The following SENP2 variants were observed in gnomAD, a reference collection of about 807,000 sequenced individuals.
SENP2 encodes the protein SUMO specific peptidase 2.
In SENP2, 16 loss-of-function variants were observed where a neutral mutation model predicts 86.3. The observed-to-expected ratio is 0.19, with a 90% CI of 0.13 to 0.28. SENP2 has a LOEUF of 0.28. Ranked by LOEUF, SENP2 falls within the 10% of genes least tolerant of loss-of-function variation. SENP2 has a pLI of 1.00. For missense variants in SENP2, 552 were observed against 703.0 expected (o/e 0.79, Z 2.43); for synonymous variants, 222 against 238.7 (o/e 0.93, Z 0.64).
chr3:185,613,035 A>G (rs1406484666), intron 9 of SENP2, among the ~76,000 whole-genome samples: 1 of 152,250 alleles, frequency 6.6e-6, no homozygotes, highest in Admixed American at 6.5e-5. Context: ...CCATGGGCCA[A>G]ATCTGGTCTA....
At chr3:185,616,055 G>A (rs1456189177) in intron 11 of SENP2, among the ~76,000 whole-genome samples, 1 of 151,320 alleles carries the variant, frequency 6.6e-6, no homozygotes, top group Non-Finnish European at 1.5e-5. Flanking sequence ...TAGAGATGGG[G>A]TTTCACCATG....
At position 185,621,830 on chromosome 3, in the gene SENP2, T is replaced by C; in HGVS notation, c.1451T>C (p.Ile484Thr). 2 of 1,594,266 alleles carry C rather than the reference T, an allele frequency of 1.3e-6. No individual in the cohort carries two copies. Among genetic ancestry groups the C allele is most frequent in the Non-Finnish European group, 1.7e-6 (2 of 1,162,870 alleles). Residue 484 changes from isoleucine to threonine, a missense_variant, in exon 14 of 17, where the codon ATT becomes ACT. Ile to Thr is a moderately conservative substitution (Grantham distance 89, BLOSUM62 -1). Transcript: ENST00000296257. ...TGTTATCTTTTTCCATTATAGGTGA[T>C]TGACCTAAGAAAAAAGTGTCTTAAA... Reference protein sequence around the residue: ...HRKVHWSLVVIDLRKKCLKYL... With the variant: ...HRKVHWSLVVTDLRKKCLKYL...
At chr3:185,603,023 C>T (rs1722398863) in intron 5 of SENP2, among the ~76,000 whole-genome samples, 1 of 150,046 alleles carries the variant, frequency 6.7e-6, no homozygotes, top group East Asian at 2.0e-4. Context: ...AGCGATTCTC[C>T]TGCCTTAGCC....
chr3:185,599,533 G>C (rs1241744938), intron 4 of SENP2, among the ~76,000 whole-genome samples: 1 of 152,170 alleles, frequency 6.6e-6, no homozygotes, highest in Non-Finnish European at 1.5e-5. Flanking sequence ...GGGAAAAGTA[G>C]GAAGAAGCCA....
At chr3:185,598,792 A>T (rs1348522744) in intron 3 of SENP2, among the ~76,000 whole-genome samples, 166 bp from the exon 4 acceptor site, 1 of 152,182 alleles carries the variant, frequency 6.6e-6, no homozygotes, top group Non-Finnish European at 1.5e-5. Context: ...AGAAACTAGA[A>T]TTGTTATTTC....
rs1721854364 is a variant in SENP2 at position 185,588,048 on chromosome 3, TAA to T, written c.101+1535_101+1536del. Among the ~76,000 whole-genome samples the T allele has an allele frequency of 1.7e-4, 19 of 110,280 alleles. No individual in the cohort carries two copies. In the South Asian group the frequency reaches 6.2e-3, roughly 36 times the overall value. The allele number at this position is 110,280 out of a possible 152,430, so 72.3% of individuals were successfully genotyped here. On this transcript the variant is annotated intron_variant, in intron 1 of 16. Transcript: ENST00000296257. The stretch of plus-strand genomic sequence containing the variant: ...GCCACAGCGCCCGGCCACTACCGGC[TAA>T]TTTTTTTTTTTTTTTTTTTTTTTTT...
Position 185,619,332 on chromosome 3 carries a change from A to T in SENP2, c.1276A>T (p.Arg426Ter). ...TTTTTACATGAATCTTCTGGTGGAAAGAAATAAAAAGCAAGGCTATCCAGC... is the reference window on the plus strand; with the variant it reads ...TTTTTACATGAATCTTCTGGTGGAATGAAATAAAAAGCAAGGCTATCCAGC... Reference protein sequence around the residue: ...INFYMNLLVERNKKQGYPALH... With the variant: ...INFYMNLLVE Residue 426 changes from arginine to a stop codon, truncating the protein, a stop_gained, in exon 13 of 17, where the codon AGA (arginine) becomes TGA (stop). Transcript: ENST00000296257. LOFTEE classifies it high-confidence loss of function. 1 of 1,614,028 alleles carries T rather than the reference A, an allele frequency of 6.2e-7. No homozygotes were observed. Among genetic ancestry groups the T allele is most frequent in the South Asian group, 1.1e-5 (1 of 91,088 alleles).
At chr3:185,629,084 A>G (rs1712290012) in intron 16 of SENP2, among the ~76,000 whole-genome samples, 2 of 152,156 alleles carry the variant, frequency 1.3e-5, no homozygotes, top group African/African-American at 4.8e-5. Context: ...AAACTTGTAG[A>G]TTTTGTTGTT....
chr3:185,599,497 T>C (rs933798622), intron 4 of SENP2, among the ~76,000 whole-genome samples: 6 of 152,090 alleles, frequency 3.9e-5, no homozygotes, highest in African/African-American at 1.2e-4. Flanking sequence ...TTATTATATA[T>C]ATGCACTATA....
chr3:185,623,908 T>C lies in SENP2; in HGVS notation c.1527-90T>C, dbSNP rs1398919499. ...TGAATATGGATTTGAGAATGGCATA[T>C]CTGTTTAACATCAGAAAGCCCTATG... On this transcript the variant is annotated intron_variant, in intron 14 of 16. Transcript: ENST00000296257. 8.8e-6 allele frequency: 5 copies of C among 566,086 alleles called. No homozygotes were observed. In the East Asian group the frequency reaches 9.4e-5, roughly 11 times the overall value. 35.1% of individuals were successfully genotyped at this position (566,086 alleles called of 1,614,324 possible).
intron 14 of SENP2, 91 bp downstream of exon 14, chr3:185,621,996 T>C: frequency 2.6e-6 from 2 of 764,568 alleles, no homozygotes; most frequent in East Asian, 2.6e-5. Context: ...TAGTCTAATG[T>C]GTAGTTAAGG....
At chr3:185,629,748 G>C in intron 16 of SENP2, 34 bp from the exon 17 acceptor site, 1 of 1,608,368 alleles carries the variant, frequency 6.2e-7, no homozygotes, top group Non-Finnish European at 8.5e-7. Context: ...ACATTAATAT[G>C]TAATGCGGGC....
chr3:185,621,217 G>A (rs1263971827), intron 13 of SENP2, among the ~76,000 whole-genome samples: 2 of 81,234 alleles, frequency 2.5e-5, no homozygotes, highest in African/African-American at 5.0e-5. Context: ...GAAAGATACA[G>A]ATATAAAGAA....
chr3:185,615,207 C>T (rs148086001), intron 11 of SENP2, among the ~76,000 whole-genome samples: 1 of 152,230 alleles, frequency 6.6e-6, no homozygotes, highest in African/African-American at 2.4e-5. Flanking sequence ...GTGCCCACAT[C>T]TTGGCTTCCT....
intron 13 of SENP2, 30 bp downstream of exon 13, chr3:185,619,532 T>C: frequency 1.9e-6 from 3 of 1,594,264 alleles, no homozygotes; most frequent in Non-Finnish European, 2.6e-6. Context: ...GGTTAATTGT[T>C]GGACTTGGAT....
chr3:185,604,481 ACTT>A (rs1394040954), intron 5 of SENP2, among the ~76,000 whole-genome samples: 8 of 152,242 alleles, frequency 5.3e-5, no homozygotes, highest in Admixed American at 3.9e-4. Flanking sequence ...TTTTCTGTCA[ACTT>A]CTTTATTGAT....
chr3:185,593,226 G>GA (rs888658084), intron 2 of SENP2, among the ~76,000 whole-genome samples: 6 of 151,772 alleles, frequency 4.0e-5, no homozygotes, highest in Non-Finnish European at 7.4e-5. Context: ...AGAGCTCAGG[G>GA]AAAAAAAATG....
intron 6 of SENP2, 134 bp from the exon 7 acceptor site, chr3:185,609,113 A>G (rs1722605156): frequency 3.4e-6 from 2 of 596,554 alleles, no homozygotes; most frequent in South Asian, 2.5e-5. Flanking sequence ...AAAAATGTAT[A>G]AAGTTAGTAA....
intron 2 of SENP2, 82 bp from the exon 3 acceptor site, chr3:185,598,326 TTGAG>T: frequency 7.1e-7 from 1 of 1,407,460 alleles, no homozygotes; most frequent in Non-Finnish European, 9.9e-7. Flanking sequence ...TTGATAAAAA[TTGAG>T]AGAGGCTCTT....
Sources: allele counts gnomAD v4.1 joint callset (sites outside exome capture counted in the v4.1 genomes callset), GRCh38; gene constraint gnomAD v4.1.1; transcripts MANE v1.5; gene names NCBI Gene and HGNC (gene_info 2026-07-23, HGNC 2026-07-21).